AHCY: variants seen among roughly 807,000 people sequenced by gnomAD.
AHCY encodes S-adenosyl-L-homocysteine hydrolase.
In AHCY, 24 loss-of-function variants were observed where a neutral mutation model predicts 45.4. That is an observed-to-expected ratio of 0.53 (90% CI 0.38 to 0.74). The LOEUF is 0.74. Among genes scored for constraint, AHCY ranks in the 30% least tolerant of loss-of-function variants. The pLI, the probability that AHCY is intolerant of heterozygous loss-of-function variation, is 0.00. For missense variants in AHCY, 449 were observed against 594.1 expected (o/e 0.76, Z 2.54); for synonymous variants, 245 against 235.1 (o/e 1.04, Z -0.39).
chr20:34,294,404 C>T (rs1397575319), intron 2 of AHCY, among the ~76,000 whole-genome samples: 2 of 152,126 alleles, frequency 1.3e-5, no homozygotes, highest in African/African-American at 4.8e-5. Context: ...AGCAAGGGGA[C>T]AACTGCAGAG....
downstream of AHCY, among the ~76,000 whole-genome samples, chr20:34,277,875 T>C (rs1019958774): frequency 6.6e-6 from 1 of 151,040 alleles, no homozygotes; most frequent in Non-Finnish European, 1.5e-5. Flanking sequence ...ACACAGTGAG[T>C]CAGCAGCAGA....
At chr20:34,298,459 G>C (rs145711811) in intron 1 of AHCY, among the ~76,000 whole-genome samples, 1 of 152,086 alleles carries the variant, frequency 6.6e-6, no homozygotes, top group East Asian at 1.9e-4. Context: ...TGTTATGCCC[G>C]GACAGGGCCA....
chr20:34,269,047 C>G, the AHCY span: 2 of 1,603,334 alleles, frequency 1.2e-6, no homozygotes, highest in Non-Finnish European at 1.7e-6. Context: ...CTGCGCCCTG[C>G]GTGGCCACCC....
At chr20:34,269,937 ACT>A in the AHCY span, among the ~76,000 whole-genome samples, 20 of 134,946 alleles carry the variant, frequency 1.5e-4, no homozygotes, top group South Asian at 3.1e-3. Context: ...AGAGCGAGAA[ACT>A]CTGTCTTAAA....
chr20:34,276,156 G>A (rs556797691), downstream of AHCY, among the ~76,000 whole-genome samples: 5 of 152,208 alleles, frequency 3.3e-5, no homozygotes, highest in Admixed American at 1.3e-4. Context: ...CTGTGCAACA[G>A]GCACAGAGGC....
At chr20:34,275,235 C>T in the AHCY span, among the ~76,000 whole-genome samples, 13,482 of 151,010 alleles carry the variant, frequency 0.089, 1,978 homozygotes, top group African/African-American at 0.31. Context: ...CGGGTTCAAG[C>T]GATTCTCCTA....
chr20:34,302,030 T>C (rs2036792229), intron 1 of AHCY: 2 of 969,482 alleles, frequency 2.1e-6, no homozygotes. Flanking sequence ...AGACAGGGTC[T>C]TGCTCTGTTG....
intron 8 of AHCY, 150 bp from the exon 9 acceptor site, chr20:34,285,784 A>G (rs1366579559): frequency 2.4e-6 from 2 of 835,610 alleles, no homozygotes; most frequent in Non-Finnish European, 3.9e-6. Flanking sequence ...TAGCACAAAA[A>G]TAACAGCCAA....
chr20:34,267,779 C>T, the AHCY span, among the ~76,000 whole-genome samples: 3 of 151,930 alleles, frequency 2.0e-5, no homozygotes, highest in East Asian at 5.8e-4. Flanking sequence ...GATCCGCCTG[C>T]CTAGGCCTCC....
upstream of AHCY, among the ~76,000 whole-genome samples, chr20:34,308,037 AG>A (rs1490611946): frequency 1.3e-5 from 2 of 152,134 alleles, no homozygotes; most frequent in African/African-American, 4.8e-5. Flanking sequence ...CTTATAAGTG[AG>A]AACATGCTGT....
chr20:34,237,793 T>C, the AHCY span, among the ~76,000 whole-genome samples: 1 of 152,220 alleles, frequency 6.6e-6, no homozygotes, highest in Non-Finnish European at 1.5e-5. Flanking sequence ...GGGTTTTTCA[T>C]ATATGGCTTT....
At position 34,290,845 on chromosome 20, in the gene AHCY, C is replaced by T; in HGVS notation, c.652G>A (p.Val218Ile). ...DVMIAGKVAV[V>I]AGYGDVGKGC... ...TTGCCCACATCACCATAGCCTGCTA[C>T]CACCGCTACCTTGCCGGCAATCATC... The change falls in exon 6 of 10, where the codon GTA becomes ATA. Residue 218 changes from valine to isoleucine, a missense_variant. Physicochemically the swap from Val to Ile is conservative, Grantham distance 29. Transcript: ENST00000217426. The surrounding 1 kb of genome is among the most constrained non-coding windows in gnomAD (Gnocchi z 4.5). 2 of 1,614,196 alleles carry T rather than the reference C, an allele frequency of 1.2e-6. No individual in the cohort carries two copies. The highest frequency in any genetic ancestry group is 1.7e-6 in the Non-Finnish European group (2 of 1,180,034).
intron 9 of AHCY, 64 bp downstream of exon 9, chr20:34,285,376 C>G: frequency 6.3e-7 from 1 of 1,585,400 alleles, no homozygotes; most frequent in Non-Finnish European, 8.6e-7. Flanking sequence ...CTCTGGCAAG[C>G]CCTGTGTGGG....
At chr20:34,259,929 C>T in the AHCY span, among the ~76,000 whole-genome samples, 1 of 152,022 alleles carries the variant, frequency 6.6e-6, no homozygotes, top group Non-Finnish European at 1.5e-5. Flanking sequence ...TCATCTTTCT[C>T]ACTGAGACTT....
At chr20:34,294,248 G>T in intron 2 of AHCY, 92 bp from the exon 3 acceptor site, 2 of 1,169,594 alleles carry the variant, frequency 1.7e-6, no homozygotes, top group Non-Finnish European at 2.5e-6. Flanking sequence ...TTCGGGTAGT[G>T]GGGAGAGGCT....
chr20:34,285,229 C>T (rs1465991694), intron 9 of AHCY, among the ~76,000 whole-genome samples: 1 of 152,284 alleles, frequency 6.6e-6, no homozygotes, highest in Non-Finnish European at 1.5e-5. Flanking sequence ...CTGGTCCTGC[C>T]GCTCTGCTGT....
chr20:34,300,770 C>T (rs148785086), intron 1 of AHCY, among the ~76,000 whole-genome samples: 3 of 152,286 alleles, frequency 2.0e-5, no homozygotes, highest in African/African-American at 7.2e-5. Context: ...TGAAAAGACC[C>T]CATTGGCTGC....
At chr20:34,270,737 G>A in the AHCY span, among the ~76,000 whole-genome samples, 1 of 152,216 alleles carries the variant, frequency 6.6e-6, no homozygotes, top group Non-Finnish European at 1.5e-5. Flanking sequence ...TCCTTACAGA[G>A]CTTATGGGCC....
intron 1 of AHCY, among the ~76,000 whole-genome samples, chr20:34,301,533 T>C (rs2036771464): frequency 6.6e-6 from 1 of 152,132 alleles, no homozygotes; most frequent in Admixed American, 6.5e-5. Flanking sequence ...TGGATAATCA[T>C]CCCTAGCTTG....
Sources: allele counts gnomAD v4.1 joint callset (sites outside exome capture counted in the v4.1 genomes callset), GRCh38; gene constraint gnomAD v4.1.1; non-coding constraint Gnocchi (gnomAD v3.1); transcripts MANE v1.5; gene names NCBI Gene and HGNC (gene_info 2026-07-23, HGNC 2026-07-21).